The following TOX variants were observed in gnomAD, a reference collection of about 807,000 sequenced individuals.
TOX encodes the protein thymocyte selection associated high mobility group box.
Under a neutral mutation model 53.7 loss-of-function variants are expected in TOX, and 11 were observed. That is an observed-to-expected ratio of 0.20 (90% CI 0.13 to 0.34). TOX has a LOEUF of 0.34. Among genes scored for constraint, TOX ranks in the 10% least tolerant of loss-of-function variants. The pLI is 1.00. For synonymous variants in TOX, 225 were observed against 245.3 expected (o/e 0.92, Z 0.77); for missense variants, 570 against 664.6 (o/e 0.86, Z 1.56).
At chr8:59,013,635 T>C (rs1182034972) in intron 1 of TOX, among the ~76,000 whole-genome samples, 1 of 152,170 alleles carries the variant, frequency 6.6e-6, no homozygotes, top group African/African-American at 2.4e-5. Flanking sequence ...GGTCTTGAAC[T>C]CCTGGCCTCG....
intron 6 of TOX, among the ~76,000 whole-genome samples, chr8:58,824,869 G>T (rs1239878708): frequency 3.3e-5 from 5 of 152,166 alleles, no homozygotes; most frequent in Admixed American, 2.6e-4. Context: ...ATACAAATGG[G>T]GGGTGGGGAA....
intron 1 of TOX, among the ~76,000 whole-genome samples, chr8:58,998,446 G>A (rs1295954256): frequency 7.2e-6 from 1 of 139,716 alleles, no homozygotes; most frequent in East Asian, 2.1e-4. Context: ...CCAAGATCAT[G>A]CCACTGCACT....
intron 1 of TOX, among the ~76,000 whole-genome samples, chr8:59,048,538 C>A (rs1435175700): frequency 6.6e-6 from 1 of 152,094 alleles, no homozygotes; most frequent in Non-Finnish European, 1.5e-5. Flanking sequence ...AGTTAATAGA[C>A]CTTCCCCCAA....
intron 1 of TOX, among the ~76,000 whole-genome samples, chr8:59,020,704 C>G (rs1184263069): frequency 1.3e-5 from 2 of 152,040 alleles, no homozygotes; most frequent in Non-Finnish European, 1.5e-5. Flanking sequence ...ACATTATTTA[C>G]CATTTATACG....
At chr8:59,030,800 G>A (rs2129420015) in intron 1 of TOX, among the ~76,000 whole-genome samples, 1 of 152,244 alleles carries the variant, frequency 6.6e-6, no homozygotes, top group East Asian at 1.9e-4. Context: ...TTAACTTTTG[G>A]AAAAGTAGGC....
intron 1 of TOX, among the ~76,000 whole-genome samples, chr8:59,077,382 T>C (rs1341345374): frequency 6.6e-6 from 1 of 152,206 alleles, no homozygotes; most frequent in Non-Finnish European, 1.5e-5. Context: ...AGGGCTCATG[T>C]TAAGTTTAGA....
intron 3 of TOX, among the ~76,000 whole-genome samples, chr8:58,885,080 G>A (rs1396582774): frequency 6.6e-6 from 1 of 152,080 alleles, no homozygotes; most frequent in Non-Finnish European, 1.5e-5. Flanking sequence ...GGTTAAAACA[G>A]TATTAACCTT....
intron 3 of TOX, among the ~76,000 whole-genome samples, chr8:58,925,830 C>T (rs946481581): frequency 5.9e-5 from 9 of 152,172 alleles, no homozygotes; most frequent in Non-Finnish European, 1.2e-4. Context: ...AGCCCTTTGT[C>T]GTACCATTTT....
intron 1 of TOX, among the ~76,000 whole-genome samples, chr8:59,088,993 G>A (rs1804560335): frequency 6.6e-6 from 1 of 152,150 alleles, no homozygotes; most frequent in African/African-American, 2.4e-5. Flanking sequence ...TGTAAACTAT[G>A]TCAGCATCCA....
intron 1 of TOX, among the ~76,000 whole-genome samples, chr8:59,060,865 C>T (rs1803972674): frequency 6.6e-6 from 1 of 152,116 alleles, no homozygotes; most frequent in Non-Finnish European, 1.5e-5. Context: ...TTGTTTGGTG[C>T]CCTTTATATC....
In TOX at chr8:58,807,741, A is replaced by T; in HGVS notation, c.*6T>A. The T allele has an allele frequency of 6.2e-7, 1 of 1,614,118 alleles. No individual in the cohort carries two copies. The highest frequency in any genetic ancestry group is 8.5e-7 in the Non-Finnish European group (1 of 1,179,964). ...TCCTCAGTGGAAAGAAGAGGTGTTC[A>T]GATTCTCAAGTAAGGTACAGTGCTT... On this transcript the variant is annotated 3_prime_UTR_variant, in exon 9 of 9. Coordinates refer to ENST00000361421, the MANE Select transcript of TOX (RefSeq NM_014729.3).
chr8:59,009,667 C>G (rs1031240899), intron 1 of TOX, among the ~76,000 whole-genome samples: 1 of 152,178 alleles, frequency 6.6e-6, no homozygotes, highest in Non-Finnish European at 1.5e-5. Flanking sequence ...CCACCACGCC[C>G]GGCCATCCTC....
chr8:58,815,281 C>G (rs1402333929), intron 7 of TOX, 57 bp downstream of exon 7: 2 of 1,519,454 alleles, frequency 1.3e-6, no homozygotes, highest in East Asian at 4.6e-5. Flanking sequence ...CCCCCACCTC[C>G]ACCACCACAC....
intron 1 of TOX, among the ~76,000 whole-genome samples, chr8:59,015,649 C>T (rs184513033): frequency 4.6e-5 from 7 of 152,240 alleles, no homozygotes; most frequent in African/African-American, 7.2e-5. Flanking sequence ...AAAGACAGTG[C>T]TTTATCTATT....
chr8:58,948,941 T>C (rs1039471334), intron 2 of TOX, among the ~76,000 whole-genome samples: 1 of 152,212 alleles, frequency 6.6e-6, no homozygotes, highest in African/African-American at 2.4e-5. Context: ...CTAGTTGGTT[T>C]TGAGCTTTTG....
chr8:58,962,815 GT>G (rs1812824320), intron 1 of TOX, among the ~76,000 whole-genome samples: 1 of 152,174 alleles, frequency 6.6e-6, no homozygotes, highest in Non-Finnish European at 1.5e-5. Flanking sequence ...TGTCAACCTA[GT>G]ATTTGGCCTG....
intron 1 of TOX, among the ~76,000 whole-genome samples, chr8:58,973,469 A>G (rs116367987): frequency 0.024 from 3,647 of 152,290 alleles, 140 homozygotes; most frequent in African/African-American, 0.083. Flanking sequence ...AAAGCCTCGG[A>G]GGCTCCACGC....
intron 1 of TOX, among the ~76,000 whole-genome samples, chr8:59,113,676 TGGG>T (rs1195495671): frequency 6.6e-6 from 1 of 151,948 alleles, no homozygotes; most frequent in African/African-American, 2.4e-5. Flanking sequence ...AAATTAAGAT[TGGG>T]GAGGAGACTA....
At chr8:59,085,745 C>G (rs73256354) in intron 1 of TOX, among the ~76,000 whole-genome samples, 1 of 152,098 alleles carries the variant, frequency 6.6e-6, no homozygotes, top group South Asian at 2.1e-4. Context: ...TGGAGGAAGA[C>G]AGCAGGCTTT....
Sources: allele counts gnomAD v4.1 joint callset (sites outside exome capture counted in the v4.1 genomes callset), GRCh38; gene constraint gnomAD v4.1.1; transcripts MANE v1.5; gene names NCBI Gene and HGNC (gene_info 2026-07-23, HGNC 2026-07-21).